Variants in HS3ST3B1 observed in about 807,000 individuals in gnomAD.
HS3ST3B1 encodes the protein heparan sulfate glucosamine 3-O-sulfotransferase 3B1.
A neutral mutation model predicts 21.3 loss-of-function variants in HS3ST3B1; 13 were observed. The ratio of observed to expected loss-of-function variants is 0.61; its 90% confidence interval spans 0.40 to 0.97. The LOEUF (loss-of-function observed/expected upper bound fraction) is 0.97. Ranked by LOEUF, HS3ST3B1 falls within the 50% of genes least tolerant of loss-of-function variation. The pLI is 0.00. For missense variants in HS3ST3B1, 459 were observed against 554.8 expected (o/e 0.83, Z 1.73); for synonymous variants, 234 against 254.8 (o/e 0.92, Z 0.78).
intron 1 of HS3ST3B1, among the ~76,000 whole-genome samples, chr17:14,319,970 CT>C (rs1380868053): frequency 6.6e-6 from 1 of 152,040 alleles, no homozygotes; most frequent in African/African-American, 2.4e-5. Context: ...ATTCTTAATG[CT>C]TTTGCGCAGG....
intron 1 of HS3ST3B1, among the ~76,000 whole-genome samples, chr17:14,336,297 CA>C (rs1370152188): frequency 6.6e-6 from 1 of 152,026 alleles, no homozygotes; most frequent in Non-Finnish European, 1.5e-5. Context: ...TGTAATTTAC[CA>C]GTTCAAACAG....
intron 1 of HS3ST3B1, among the ~76,000 whole-genome samples, chr17:14,322,080 T>C (rs1909676396): frequency 6.6e-6 from 1 of 152,010 alleles, no homozygotes; most frequent in African/African-American, 2.4e-5. Context: ...AACCTTTTTT[T>C]TTTAATTGTC....
At chr17:14,330,621 C>G (rs7220418) in intron 1 of HS3ST3B1, among the ~76,000 whole-genome samples, 6,123 of 150,698 alleles carry the variant, frequency 0.041, 434 homozygotes, top group African/African-American at 0.14. Flanking sequence ...TTCATCAACT[C>G]TGTGTTGACT....
rs573466796 is a variant in HS3ST3B1, at chr17:14,346,128, G to GT, written c.*483dup. 2.5e-3 allele frequency: 409 copies of GT among 163,368 alleles called. 6 individuals are homozygous for GT. The highest frequency in any genetic ancestry group is 0.017 in the Middle Eastern group (5 of 300). 10.1% of individuals were successfully genotyped at this position (163,368 alleles called of 1,614,324 possible). On this transcript the variant is annotated 3_prime_UTR_variant, in exon 2 of 2. Coordinates refer to ENST00000360954, the MANE Select transcript of HS3ST3B1 (RefSeq NM_006041.3). ...ATGCAGCAGCCTCCTTGCAGATGTGGTGTCCCGTCCAATGATGTAGCCTGA... is the reference window on the plus strand; with the variant it reads ...ATGCAGCAGCCTCCTTGCAGATGTGGTTGTCCCGTCCAATGATGTAGCCTGA...
chr17:14,309,172 G>A (rs562636013), intron 1 of HS3ST3B1, among the ~76,000 whole-genome samples: 42 of 152,348 alleles, frequency 2.8e-4, no homozygotes, highest in African/African-American at 9.1e-4. Flanking sequence ...GCGCTACCAC[G>A]GGCGGGGAAA....
chr17:14,301,777 A>T lies in HS3ST3B1; in HGVS notation c.259A>T (p.Arg87Trp), dbSNP rs1177609524. 6.4e-7 allele frequency: 1 copy of T among 1,566,116 alleles called. No homozygotes were observed. Among genetic ancestry groups the T allele is most frequent in the Admixed American group, 1.9e-5 (1 of 52,568 alleles). The change falls in exon 1 of 2, where the codon AGG (arginine) becomes TGG (tryptophan). Residue 87 changes from arginine (R) to tryptophan (W), a missense_variant. Arg to Trp is a moderately radical substitution (Grantham distance 101). Around this residue, in one of 3 missense-constraint regions of HS3ST3B1, gnomAD observed 317 missense variants for 278.6 expected, o/e 1.14. Coordinates refer to ENST00000360954, the MANE Select transcript of HS3ST3B1 (RefSeq NM_006041.3). Reference sequence around the variant, plus strand: ...CACAGCTCCGGACGGGACGCCCCCCAGGCTGCCGTTCCGGGCGCCGCCAGC... The same window carrying T: ...CACAGCTCCGGACGGGACGCCCCCCTGGCTGCCGTTCCGGGCGCCGCCAGC... ...LATAPDGTPP[R>W]LPFRAPPATP...
At chr17:14,320,544 AT>A (rs112504534) in intron 1 of HS3ST3B1, among the ~76,000 whole-genome samples, 10 of 151,410 alleles carry the variant, frequency 6.6e-5, no homozygotes, top group East Asian at 1.9e-4. Flanking sequence ...TCCTGTGCTT[AT>A]TTTTTTTTCT....
intron 1 of HS3ST3B1, among the ~76,000 whole-genome samples, chr17:14,330,283 G>A (rs1216854870): frequency 6.6e-6 from 1 of 152,168 alleles, no homozygotes; most frequent in East Asian, 1.9e-4. Flanking sequence ...CCTACTGCTG[G>A]CTGTAGGAGG....
chr17:14,349,073 G>A lies in HS3ST3B1; in HGVS notation c.*3427G>A, dbSNP rs1910653575. 6.6e-6 allele frequency: 1 copy of A among 152,152 alleles called. No individual in the cohort carries two copies. The highest frequency in any genetic ancestry group is 1.5e-5 in the Non-Finnish European group (1 of 68,024). 9.4% of individuals were successfully genotyped at this position (152,152 alleles called of 1,614,324 possible). A position where few individuals can be genotyped will look rare whatever the true frequency, so the allele number is the denominator to read the frequency against. On this transcript the variant is annotated 3_prime_UTR_variant, in exon 2 of 2. Transcript: ENST00000360954. ...ACTAGAAACAGTACGTATCTAAGAT[G>A]CTGACACAGAAGCTAATGTGACTTT... is the stretch of plus-strand genomic sequence containing the variant.
rs1320940648 is a variant in HS3ST3B1 at position 14,301,740 on chromosome 17, G to A, written c.222G>A (p.Pro74=). The change falls in exon 1 of 2, where the codon CCG becomes CCA. Residue 74 remains proline (P), a synonymous_variant. Coordinates refer to ENST00000360954, the MANE Select transcript of HS3ST3B1 (RefSeq NM_006041.3). The stretch of plus-strand genomic sequence containing the variant: ...CTGGGTCCCGCGCCGCACACGACCC[G>A]CCAGCCCTGGCCACAGCTCCGGACG... The part of the protein sequence containing the change: ...LGSGSRAAHD[P]PALATAPDGT... 6 of 1,595,496 alleles carry A rather than the reference G, an allele frequency of 3.8e-6. No homozygotes were observed. The highest frequency in any genetic ancestry group is 1.7e-4 in the Middle Eastern group (1 of 5,900).
intron 1 of HS3ST3B1, among the ~76,000 whole-genome samples, chr17:14,307,159 A>G (rs1023169335): frequency 6.6e-6 from 1 of 152,244 alleles, no homozygotes; most frequent in Non-Finnish European, 1.5e-5. Flanking sequence ...ATATGTTATC[A>G]TTGAACAGGT....
Position 14,301,497 on chromosome 17 carries a change from T to TG in HS3ST3B1, c.-20dup, listed in dbSNP as rs1031684936. On this transcript the variant is annotated 5_prime_UTR_variant, in exon 1 of 2. Transcript: ENST00000360954. Reference sequence around the variant, plus strand: ...CACGCCATGTGCTGAGCCATGTCCCTGGCCGCGCCCGCGGGCAGCGCATGG... The same window carrying TG: ...CACGCCATGTGCTGAGCCATGTCCCTGGGCCGCGCCCGCGGGCAGCGCATGG... 2.1e-5 allele frequency: 32 copies of TG among 1,489,678 alleles called. No homozygotes were observed. Among genetic ancestry groups the TG allele is most frequent in the Non-Finnish European group, 2.7e-5 (31 of 1,128,810 alleles). 92.3% of individuals were successfully genotyped at this position (1,489,678 alleles called of 1,614,324 possible).
At chr17:14,330,501 T>C (rs760721683) in intron 1 of HS3ST3B1, among the ~76,000 whole-genome samples, 3 of 151,932 alleles carry the variant, frequency 2.0e-5, no homozygotes, top group Non-Finnish European at 4.4e-5. Context: ...GCTTTCATTC[T>C]GAGCATTGGG....
At chr17:14,319,695 A>G (rs575227865) in intron 1 of HS3ST3B1, among the ~76,000 whole-genome samples, 3 of 152,172 alleles carry the variant, frequency 2.0e-5, no homozygotes, top group Non-Finnish European at 4.4e-5. Context: ...ATAAAAATAT[A>G]ATGTCACCAA....
chr17:14,329,457 A>G, intron 1 of HS3ST3B1: 1 of 150,798 alleles, frequency 6.6e-6, no homozygotes. Context: ...GGAGGGAGGG[A>G]GAGAGAGAGA....
At chr17:14,332,992 G>A (rs545390118) in intron 1 of HS3ST3B1, among the ~76,000 whole-genome samples, 3 of 152,040 alleles carry the variant, frequency 2.0e-5, no homozygotes, top group East Asian at 3.9e-4. Context: ...CTGCTCCCCA[G>A]GAAGAGCCCG....
intron 1 of HS3ST3B1, among the ~76,000 whole-genome samples, chr17:14,335,069 T>C (rs963594672): frequency 6.6e-6 from 1 of 152,202 alleles, no homozygotes; most frequent in Non-Finnish European, 1.5e-5. Flanking sequence ...AGATGTGACG[T>C]CACAATTTCC....
rs768486876 is a variant in HS3ST3B1 at position 14,348,574 on chromosome 17, C to T, written c.*2928C>T. 1 of 152,178 alleles carries T rather than the reference C, an allele frequency of 6.6e-6. No homozygotes were observed. Among genetic ancestry groups the T allele is most frequent in the Non-Finnish European group, 1.5e-5 (1 of 68,032 alleles). The allele number at this position is 152,178 out of a possible 1,614,324, so 9.4% of individuals were successfully genotyped here. A position where few individuals can be genotyped will look rare whatever the true frequency, so the allele number is the denominator to read the frequency against. On this transcript the variant is annotated 3_prime_UTR_variant, in exon 2 of 2. Coordinates refer to ENST00000360954, the MANE Select transcript of HS3ST3B1 (RefSeq NM_006041.3). ...GATTTCTTCCTGTTCTAGCAATCTG[C>T]AAGACCACCAGGCTTAACTTTTTAG...
At chr17:14,318,623 T>C (rs1410705853) in intron 1 of HS3ST3B1, among the ~76,000 whole-genome samples, 1 of 152,178 alleles carries the variant, frequency 6.6e-6, no homozygotes, top group East Asian at 1.9e-4. Context: ...CCTGTTTCTG[T>C]TTAGAGGAGA....
Sources: gnomAD v4.1 joint callset for allele counts (sites outside exome capture counted in the v4.1 genomes callset) on GRCh38, gnomAD v4.1.1 for gene constraint, gnomAD v4.1.1 regional missense constraint, MANE v1.5 for transcripts, NCBI Gene and HGNC (gene_info 2026-07-23, HGNC 2026-07-21) for gene names.